WDTC1: variants seen among roughly 807,000 people sequenced by gnomAD.
WDTC1 encodes WD and tetratricopeptide repeats protein 1.
A neutral mutation model predicts 76.0 loss-of-function variants in WDTC1; 12 were observed. The observed-to-expected ratio is 0.16, with a 90% CI of 0.10 to 0.26. WDTC1 has a LOEUF of 0.26. WDTC1 is among the 10% of genes least tolerant of loss of function. The pLI, the probability that WDTC1 is intolerant of heterozygous loss-of-function variation, is 1.00. For missense variants in WDTC1, 511 were observed against 908.8 expected, an observed-to-expected ratio of 0.56 and a Z score of 5.63; for synonymous variants, 326 against 350.8, an observed-to-expected ratio of 0.93 and a Z score of 0.79.
intron 1 of WDTC1, among the ~76,000 whole-genome samples, chr1:27,250,180 T>C (rs893016740): frequency 1.3e-5 from 2 of 152,190 alleles, no homozygotes; most frequent in African/African-American, 2.4e-5. Context: ...GATACTGTTA[T>C]GTACTTTCTT....
intron 1 of WDTC1, among the ~76,000 whole-genome samples, chr1:27,236,555 AAG>A (rs1172263547): frequency 6.6e-6 from 1 of 152,212 alleles, no homozygotes; most frequent in Non-Finnish European, 1.5e-5. Context: ...TCACGAGGGA[AAG>A]AGAGAACACG....
rs771772660 is a variant in WDTC1 at position 27,292,264 on chromosome 1, C to T, written c.529C>T (p.Leu177=). 6.2e-7 allele frequency: 1 copy of T among 1,612,100 alleles called. No homozygotes were observed. The highest frequency in any genetic ancestry group is 1.1e-5 in the South Asian group (1 of 90,602). Residue 177 remains leucine, a synonymous_variant, in exon 7 of 16, where the codon CTG becomes TTG. Transcript: ENST00000319394. ...NSKHSEVLID[L]TEYCGQLVEA... is the part of the protein sequence containing the mutation. ...CAAACACTCGGAGGTGCTGATTGAC[C>T]TGACAGAGTACTGTGGCCAGCTGGT... is the stretch of plus-strand genomic sequence containing the variant.
chr1:27,303,609 C>A lies in WDTC1; in HGVS notation c.1469-12C>A. On this transcript the variant is annotated splice_polypyrimidine_tract_variant and intron_variant, in intron 13 of 15. Coordinates refer to ENST00000319394, the MANE Select transcript of WDTC1 (RefSeq NM_001276252.2). The surrounding 1 kb of genome is among the most constrained non-coding windows in gnomAD (Gnocchi z 4.8). ...AACAAGGCGCTTACCTTTTCTGGATCTCTGCCCCCAGAGGAGAAGAAGGGA... is the reference window on the plus strand; with the variant it reads ...AACAAGGCGCTTACCTTTTCTGGATATCTGCCCCCAGAGGAGAAGAAGGGA... 1 of 1,574,874 alleles carries A rather than the reference C, an allele frequency of 6.3e-7. No homozygotes were observed. Among genetic ancestry groups the A allele is most frequent in the East Asian group, 2.3e-5 (1 of 43,338 alleles).
chr1:27,293,707 T>G (rs1022295781), intron 7 of WDTC1, among the ~76,000 whole-genome samples: 3 of 152,162 alleles, frequency 2.0e-5, no homozygotes, highest in African/African-American at 7.2e-5. Context: ...ATTCATGGGC[T>G]TGGTGACCAC....
At chr1:27,299,573 T>C (rs536479909) in intron 12 of WDTC1, among the ~76,000 whole-genome samples, 12 of 152,220 alleles carry the variant, frequency 7.9e-5, no homozygotes, top group Admixed American at 4.6e-4. Context: ...AAGAGCTTGT[T>C]TGCAGAACAG....
Position 27,292,142 on chromosome 1 carries a change from G to T in WDTC1, c.480-73G>T, listed in dbSNP as rs1023520783. ...CCCTCCCAATCCTCTTGCATAACAAGAACTTATCTTTTCCCCTGCCTTCCT... is the reference window on the plus strand; with the variant it reads ...CCCTCCCAATCCTCTTGCATAACAATAACTTATCTTTTCCCCTGCCTTCCT... On this transcript the variant is annotated intron_variant, in intron 6 of 15. Transcript: ENST00000319394. 4 of 1,400,596 alleles carry T rather than the reference G, an allele frequency of 2.9e-6. No homozygotes were observed. In the African/African-American group the frequency reaches 4.4e-5, roughly 15 times the overall value. 86.8% of individuals were successfully genotyped at this position (1,400,596 alleles called of 1,614,324 possible).
intron 5 of WDTC1, among the ~76,000 whole-genome samples, chr1:27,285,172 G>A (rs2013298170): frequency 6.6e-6 from 1 of 151,854 alleles, no homozygotes. Context: ...AAGTAGCTGG[G>A]ATTACAGGTG....
At position 27,303,419 on chromosome 1, in the gene WDTC1, A is replaced by T. The variant is rs2013878139; in HGVS notation, c.1469-202A>T. 6.6e-6 allele frequency among the ~76,000 whole-genome samples: 1 copy of T among 152,136 alleles called. No homozygotes were observed. Among genetic ancestry groups the T allele is most frequent in the African/African-American group, 2.4e-5 (1 of 41,418 alleles). On this transcript the variant is annotated intron_variant, in intron 13 of 15. Transcript: ENST00000319394. This position sits in a 1 kb window ranked among gnomAD's most constrained non-coding sequence, Gnocchi z 4.8. ...TGAACCAGGGCCCTCCTGGCATCAA[A>T]GGTCTCCTCTTGAACATCCTCAGGG... is the stretch of plus-strand genomic sequence containing the variant.
intron 5 of WDTC1, among the ~76,000 whole-genome samples, chr1:27,284,869 A>G (rs1008428152): frequency 6.6e-6 from 1 of 152,008 alleles, no homozygotes; most frequent in Non-Finnish European, 1.5e-5. Flanking sequence ...GGTGGTGACT[A>G]TGGTGTGTGA....
At position 27,306,746 on chromosome 1, in the gene WDTC1, T is replaced by G; in HGVS notation, c.*363T>G. ...TGTCTTCAGGGACTGTCCTGCCCTT[T>G]AGCTGGCAGCAGCAGGAGGAGTGGG... is the stretch of plus-strand genomic sequence containing the variant. On this transcript the variant is annotated 3_prime_UTR_variant, in exon 16 of 16. Coordinates refer to ENST00000319394, the MANE Select transcript of WDTC1 (RefSeq NM_001276252.2). This position sits in a 1 kb window ranked among gnomAD's most constrained non-coding sequence, Gnocchi z 5.0. 2 of 246,806 alleles carry G rather than the reference T, an allele frequency of 8.1e-6. No homozygotes were observed. Among genetic ancestry groups the G allele is most frequent in the Non-Finnish European group, 1.6e-5 (2 of 126,460 alleles). The allele number at this position is 246,806 out of a possible 1,614,324, so 15.3% of individuals were successfully genotyped here. A position where few individuals can be genotyped will look rare whatever the true frequency, so the allele number is the denominator to read the frequency against.
chr1:27,269,617 T>TC (rs1378255461), intron 3 of WDTC1, among the ~76,000 whole-genome samples: 2 of 143,010 alleles, frequency 1.4e-5, no homozygotes, highest in Admixed American at 1.4e-4. Flanking sequence ...TTTTTTTTTT[T>TC]TCGGTTTTTT....
Position 27,306,415 on chromosome 1 carries a change from C to T in WDTC1, c.*32C>T. The T allele has an allele frequency of 6.3e-7, 1 of 1,599,366 alleles. No individual in the cohort carries two copies. Among genetic ancestry groups the T allele is most frequent in the Non-Finnish European group, 8.5e-7 (1 of 1,174,880 alleles). ...CAGCCCTGGTCCCCAGCCCCTGCTA[C>T]TGGCTGGACCCTCTGCCCTGGGCAG... On this transcript the variant is annotated 3_prime_UTR_variant, in exon 16 of 16. Coordinates refer to ENST00000319394, the MANE Select transcript of WDTC1 (RefSeq NM_001276252.2). This position sits in a 1 kb window ranked among gnomAD's most constrained non-coding sequence, Gnocchi z 5.0.
At chr1:27,245,663 G>A (rs1166752668) in intron 1 of WDTC1, among the ~76,000 whole-genome samples, 3 of 150,776 alleles carry the variant, frequency 2.0e-5, no homozygotes, top group Non-Finnish European at 4.4e-5. Flanking sequence ...TCCGCCTCCC[G>A]GGTTCAGACG....
intron 2 of WDTC1, 72 bp downstream of exon 2, chr1:27,261,174 A>G (rs2012466827): frequency 1.9e-6 from 3 of 1,589,456 alleles, no homozygotes; most frequent in Non-Finnish European, 2.6e-6. Context: ...ACAGATGAAA[A>G]AACTGAAATC....
intron 1 of WDTC1, among the ~76,000 whole-genome samples, chr1:27,256,166 T>G (rs957852057): frequency 1.3e-5 from 2 of 152,108 alleles, no homozygotes; most frequent in Admixed American, 1.3e-4. Flanking sequence ...CTAAAATCAT[T>G]CATAGACTCA....
rs777127704 is a variant in WDTC1, at chr1:27,294,071, C to G, written c.712C>G (p.Arg238Gly). 1.2e-6 allele frequency: 2 copies of G among 1,614,054 alleles called. No homozygotes were observed. Among genetic ancestry groups the G allele is most frequent in the Admixed American group, 1.7e-5 (1 of 60,018 alleles). ...PSAGVHTFCD[R>G]QKPLPDGAAQ... is the part of the protein sequence containing the mutation. ...AGCGGGTGTGCACACCTTCTGTGAC[C>G]GGCAGAAACCCCTTCCGGACGGTGC... The change falls in exon 8 of 16, where the codon CGG (arginine) becomes GGG (glycine). Residue 238 changes from arginine to glycine, a missense_variant. Coordinates refer to ENST00000319394, the MANE Select transcript of WDTC1 (RefSeq NM_001276252.2).
intron 5 of WDTC1, among the ~76,000 whole-genome samples, chr1:27,286,481 T>C (rs1380397560): frequency 6.9e-6 from 1 of 144,690 alleles, no homozygotes; most frequent in Non-Finnish European, 1.5e-5. Context: ...TTTTTTTTTT[T>C]TTTTTTGAGA....
At chr1:27,296,465 C>A (rs2013688263) in intron 10 of WDTC1, 64 bp downstream of exon 10, 1 of 1,545,810 alleles carries the variant, frequency 6.5e-7, no homozygotes, top group Admixed American at 1.7e-5. Flanking sequence ...CATGCTACAC[C>A]TGCTGAGAAG....
At chr1:27,259,499 T>G (rs900260208) in intron 1 of WDTC1, among the ~76,000 whole-genome samples, 3 of 151,660 alleles carry the variant, frequency 2.0e-5, no homozygotes, top group African/African-American at 7.3e-5. Flanking sequence ...TAAAATTGTT[T>G]TCCTTCTTTA....
Sources: allele counts gnomAD v4.1 joint callset (sites outside exome capture counted in the v4.1 genomes callset), GRCh38; gene constraint gnomAD v4.1.1; non-coding constraint Gnocchi (gnomAD v3.1); transcripts MANE v1.5; gene names NCBI Gene and HGNC (gene_info 2026-07-23, HGNC 2026-07-21).